CYP4X1: variants seen among roughly 807,000 people sequenced by gnomAD.
CYP4X1 encodes the protein cytochrome P450 family 4 subfamily X member 1.
CYP4X1 carries 44 observed loss-of-function variants against 57.9 expected under a neutral mutation model. That is an observed-to-expected ratio of 0.76 (90% CI 0.60 to 0.98). The LOEUF is 0.98. CYP4X1 is among the 50% of genes least tolerant of loss of function. The pLI is 0.00. For missense variants in CYP4X1, 532 were observed against 623.9 expected (o/e 0.85, Z 1.57); for synonymous variants, 227 against 228.6 (o/e 0.99, Z 0.06).
At chr1:47,039,616 T>A in intron 8 of CYP4X1, 84 bp downstream of exon 8, 1 of 1,120,546 alleles carries the variant, frequency 8.9e-7, no homozygotes, top group Non-Finnish European at 1.2e-6. Context: ...TTAGTGACCC[T>A]AGTGCCTCAG....
chr1:47,016,500 C>A, the CYP4X1 span, among the ~76,000 whole-genome samples: 1 of 152,030 alleles, frequency 6.6e-6, no homozygotes, highest in African/African-American at 2.4e-5. Context: ...CACCACCACG[C>A]CCAGTTGATT....
intron 1 of CYP4X1, among the ~76,000 whole-genome samples, chr1:47,026,328 A>C (rs77859046): frequency 0.011 from 1,742 of 152,316 alleles, 39 homozygotes; most frequent in African/African-American, 0.04. Context: ...TGTATCAAAA[A>C]CATCTCATTT....
the CYP4X1 span, among the ~76,000 whole-genome samples, chr1:46,990,748 C>T: frequency 6.6e-6 from 1 of 152,042 alleles, no homozygotes; most frequent in African/African-American, 2.4e-5. Context: ...ATGTCCTTCC[C>T]AGGGACATGG....
At chr1:47,016,738 C>T in the CYP4X1 span, among the ~76,000 whole-genome samples, 1 of 152,270 alleles carries the variant, frequency 6.6e-6, no homozygotes, top group East Asian at 1.9e-4. Flanking sequence ...ATTTGTGTTA[C>T]AAATAATCCA....
the CYP4X1 span, among the ~76,000 whole-genome samples, chr1:46,983,257 T>C: frequency 6.6e-5 from 10 of 151,802 alleles, no homozygotes; most frequent in African/African-American, 1.2e-4. Context: ...ATAGAGCCGG[T>C]GCCTATGGAA....
downstream of CYP4X1, among the ~76,000 whole-genome samples, chr1:47,053,762 G>A (rs1644374066): frequency 6.6e-6 from 1 of 152,132 alleles, no homozygotes; most frequent in Non-Finnish European, 1.5e-5. Flanking sequence ...TTTTGATGGG[G>A]TTGTTTGTTT....
the CYP4X1 span, among the ~76,000 whole-genome samples, chr1:47,003,627 A>T: frequency 6.6e-6 from 1 of 152,146 alleles, no homozygotes; most frequent in Admixed American, 6.5e-5. Context: ...CAGGCACATC[A>T]CAGGGCAAAG....
upstream of CYP4X1, chr1:47,023,615 A>G (rs1373207711): frequency 4.5e-6 from 6 of 1,326,720 alleles, no homozygotes; most frequent in Non-Finnish European, 5.8e-6. Flanking sequence ...GTAACCGGCT[A>G]GAAATCCCGC....
At chr1:46,977,050 A>C in the CYP4X1 span, among the ~76,000 whole-genome samples, 1 of 152,140 alleles carries the variant, frequency 6.6e-6, no homozygotes, top group Non-Finnish European at 1.5e-5. Flanking sequence ...AATTCTAAAA[A>C]CCAGGGCACC....
chr1:46,980,792 A>C, the CYP4X1 span, among the ~76,000 whole-genome samples: 22 of 152,196 alleles, frequency 1.4e-4, no homozygotes, highest in Admixed American at 1.4e-3. Flanking sequence ...ATATAGATCA[A>C]TGGAACAGAA....
At chr1:46,999,454 CCT>C in the CYP4X1 span, among the ~76,000 whole-genome samples, 3 of 151,950 alleles carry the variant, frequency 2.0e-5, no homozygotes, top group Non-Finnish European at 4.4e-5. Flanking sequence ...ATTTCAATCT[CCT>C]CTCTTTTTTT....
chr1:46,976,026 G>T, the CYP4X1 span, among the ~76,000 whole-genome samples: 1 of 152,074 alleles, frequency 6.6e-6, no homozygotes, highest in Admixed American at 6.5e-5. Flanking sequence ...CTTCTCGTGT[G>T]ATCGATGCAG....
At chr1:47,052,286 T>C (rs781312489), downstream of CYP4X1, among the ~76,000 whole-genome samples, 3 of 152,160 alleles carry the variant, frequency 2.0e-5, no homozygotes, top group Non-Finnish European at 2.9e-5. Context: ...AATCATTTTT[T>C]CGAAATATGT....
At position 47,031,571 on chromosome 1, in the gene CYP4X1, C is replaced by G. The variant is rs1398383927; in HGVS notation, c.364+91C>G. The G allele has an allele frequency of 1.4e-5, 20 of 1,435,342 alleles. No homozygotes were observed. In the East Asian group the frequency reaches 4.5e-4, roughly 33 times the overall value. 88.9% of individuals were successfully genotyped at this position (1,435,342 alleles called of 1,614,324 possible). Reference sequence around the variant, plus strand: ...TGCCAAAGAAACTGAAATCTGAATTCAAAAGCACAAAGAGTGCAAGGTAGA... The same window carrying G: ...TGCCAAAGAAACTGAAATCTGAATTGAAAAGCACAAAGAGTGCAAGGTAGA... On this transcript the variant is annotated intron_variant, in intron 3 of 11. Transcript: ENST00000371901.
chr1:47,027,864 G>A (rs1218905565), intron 1 of CYP4X1, among the ~76,000 whole-genome samples: 1 of 151,842 alleles, frequency 6.6e-6, no homozygotes, highest in African/African-American at 2.4e-5. Context: ...TTATTATCTT[G>A]GCCCTTATCA....
the CYP4X1 span, among the ~76,000 whole-genome samples, chr1:46,965,693 C>A: frequency 1.5e-4 from 23 of 152,360 alleles, no homozygotes; most frequent in South Asian, 1.7e-3. Flanking sequence ...GGATCAGGGA[C>A]CAGCTTAAAG....
intron 11 of CYP4X1, 58 bp from the exon 12 acceptor site, chr1:47,049,942 T>C: frequency 6.5e-7 from 1 of 1,528,198 alleles, no homozygotes; most frequent in Non-Finnish European, 9.0e-7. Flanking sequence ...AGTATTTTAC[T>C]ATAGTCAGAA....
chr1:46,961,576 T>C, the CYP4X1 span: 2 of 1,252,454 alleles, frequency 1.6e-6, no homozygotes, highest in Non-Finnish European at 1.0e-6. Context: ...AACAAAGGGC[T>C]CAGGCTATGA....
chr1:47,029,164 C>T (rs969887951), intron 1 of CYP4X1, among the ~76,000 whole-genome samples: 7 of 152,122 alleles, frequency 4.6e-5, no homozygotes, highest in African/African-American at 7.2e-5. Context: ...TACTTTGCAG[C>T]GGGGGACTCC....
Sources: gnomAD v4.1 joint callset for allele counts (sites outside exome capture counted in the v4.1 genomes callset) on GRCh38, gnomAD v4.1.1 for gene constraint, MANE v1.5 for transcripts, NCBI Gene and HGNC (gene_info 2026-07-23, HGNC 2026-07-21) for gene names.